The following HTN3 variants were observed in gnomAD, a reference collection of about 807,000 sequenced individuals.
HTN3 encodes the protein histatin 3.
HTN3 carries 15 observed loss-of-function variants against 10.6 expected under a neutral mutation model. The observed-to-expected ratio is 1.42, with a 90% CI of 0.95 to 2.18. HTN3 has a LOEUF of 2.18. Ranked by LOEUF, HTN3 falls within the 30% of genes most tolerant of loss-of-function variation. HTN3 has a pLI of 0.00. For missense variants in HTN3, 68 were observed against 58.0 expected, an observed-to-expected ratio of 1.17 and a Z score of -0.56; for synonymous variants, 15 against 16.9, an observed-to-expected ratio of 0.89 and a Z score of 0.27.
chr4:70,033,099 T>A, intron 4 of HTN3, 68 bp from the exon 5 acceptor site: 1 of 1,109,592 alleles, frequency 9.0e-7, no homozygotes, highest in Non-Finnish European at 1.3e-6. Context: ...TGACAGTTTT[T>A]GTGAAGCATT....
At chr4:70,032,226 A>G in intron 4 of HTN3, 119 bp downstream of exon 4, 1 of 739,042 alleles carries the variant, frequency 1.4e-6, no homozygotes, top group Non-Finnish European at 2.2e-6. Flanking sequence ...GCTAAAGTGT[A>G]CATTGATTTC....
rs994869462 is a variant in HTN3, at chr4:70,028,830, A to C, written c.-14+314A>C. On this transcript the variant is annotated intron_variant, in intron 1 of 5. Transcript: ENST00000673563. ...TCTACTTTCTTATTACTTTTATATT[A>C]AACTTAATGTAGAAGTTCACATTTT... 8.5e-5 allele frequency among the ~76,000 whole-genome samples: 13 copies of C among 152,164 alleles called. No individual in the cohort carries two copies. The South Asian group carries it at 2.1e-3, about 24-fold the overall frequency.
intron 5 of HTN3, chr4:70,034,022 G>A (rs1049221858): frequency 6.6e-6 from 1 of 151,848 alleles, no homozygotes; most frequent in African/African-American, 2.4e-5. Context: ...ACTGAAACTG[G>A]ACCCCTTCCT....
chr4:70,030,930 T>A, intron 2 of HTN3, 139 bp downstream of exon 2: 1 of 674,994 alleles, frequency 1.5e-6, no homozygotes. Context: ...TTCCTTGAAT[T>A]AACCTATATA....
Position 70,033,265 on chromosome 4 carries a change from C to G in HTN3, c.*33+12C>G. 3.3e-6 allele frequency: 4 copies of G among 1,225,258 alleles called. No homozygotes were observed. Among genetic ancestry groups the G allele is most frequent in the Non-Finnish European group, 2.3e-6 (2 of 855,080 alleles). The allele number at this position is 1,225,258 out of a possible 1,614,324, so 75.9% of individuals were successfully genotyped here. A position where few individuals can be genotyped will look rare whatever the true frequency, so the allele number is the denominator to read the frequency against. ...GCATGATTATGGAGGTAAGCTGACT[C>G]TAGTTACTTTTCTTTCTAGAAGTAT... On this transcript the variant is annotated intron_variant, in intron 5 of 5. Transcript: ENST00000673563.
chr4:70,030,870 A>G, intron 2 of HTN3, 79 bp downstream of exon 2: 2 of 1,108,420 alleles, frequency 1.8e-6, no homozygotes, highest in Non-Finnish European at 2.7e-6. Flanking sequence ...ACGTTCTGCC[A>G]TATATTCATG....
chr4:70,031,896 A>G, intron 2 of HTN3, 83 bp from the exon 3 acceptor site: 1 of 955,622 alleles, frequency 1.0e-6, no homozygotes, highest in Non-Finnish European at 1.6e-6. Context: ...TTAATCATAA[A>G]TGTGGCTAAG....
At chr4:70,032,399 C>T (rs1418699973) in intron 4 of HTN3, among the ~76,000 whole-genome samples, 2 of 151,896 alleles carry the variant, frequency 1.3e-5, no homozygotes, top group Non-Finnish European at 2.9e-5. Flanking sequence ...AGAATAGTTC[C>T]TAATTCTATG....
chr4:70,033,116 G>A (rs763906021), intron 4 of HTN3, 51 bp from the exon 5 acceptor site: 3 of 1,360,614 alleles, frequency 2.2e-6, no homozygotes, highest in Non-Finnish European at 3.1e-6. Context: ...CATTTTTACT[G>A]TCATTGCCTC....
intron 1 of HTN3, among the ~76,000 whole-genome samples, chr4:70,029,622 T>G (rs1725324900): frequency 6.6e-6 from 1 of 152,118 alleles, no homozygotes; most frequent in Non-Finnish European, 1.5e-5. Flanking sequence ...TAATTCTAAG[T>G]TTTGTGGTAA....
At chr4:70,029,890 C>T (rs1041722820) in intron 1 of HTN3, among the ~76,000 whole-genome samples, 2 of 152,074 alleles carry the variant, frequency 1.3e-5, no homozygotes, top group African/African-American at 4.8e-5. Context: ...TAACCAATAC[C>T]ATTAATGTTC....
chr4:70,032,196 A>T, intron 4 of HTN3, 89 bp downstream of exon 4: 3 of 849,826 alleles, frequency 3.5e-6, no homozygotes, highest in South Asian at 3.2e-5. Context: ...TATCTCTCAA[A>T]TATATTTATA....
intron 2 of HTN3, 77 bp from the exon 3 acceptor site, chr4:70,031,902 C>G: frequency 5.9e-6 from 6 of 1,017,092 alleles, no homozygotes; most frequent in African/African-American, 1.6e-5. Context: ...ATAAATGTGG[C>G]TAAGTCAATT....
In HTN3 at chr4:70,033,176, C is replaced by G. The variant is rs1725427975; in HGVS notation, c.112C>G (p.His38Asp). 4 of 1,606,034 alleles carry G rather than the reference C, an allele frequency of 2.5e-6. No individual in the cohort carries two copies. Among genetic ancestry groups the G allele is most frequent in the African/African-American group, 2.7e-5 (2 of 74,594 alleles). ...TTTTGTGTGTATGCAGGAAAAGCAT[C>G]ATTCACATCGAGGCTATAGATCAAA... ...GYKRKFHEKHHSHRGYRSNYL... is the reference protein window; with the variant it reads ...GYKRKFHEKHDSHRGYRSNYL... The change falls in exon 5 of 6, where the codon CAT becomes GAT. Residue 38 changes from histidine (H) to aspartate (D), a missense_variant. Coordinates refer to ENST00000673563, the MANE Select transcript of HTN3 (RefSeq NM_000200.3).
rs759211037 is a variant in HTN3 at position 70,032,042 on chromosome 4, A to G, written c.73-36A>G. On this transcript the variant is annotated intron_variant, in intron 3 of 5. Coordinates refer to ENST00000673563, the MANE Select transcript of HTN3 (RefSeq NM_000200.3). The stretch of plus-strand genomic sequence containing the variant: ...ACTGGAAAACTTGATAATTAATCAT[A>G]TATTGAATTTTTAATCTTTTCTTTT... The G allele has an allele frequency of 3.9e-6, 6 of 1,541,194 alleles. No individual in the cohort carries two copies. In the Middle Eastern group the frequency reaches 5.6e-4, roughly 143 times the overall value.
intron 5 of HTN3, among the ~76,000 whole-genome samples, chr4:70,035,921 G>A (rs1328998543): frequency 6.6e-6 from 1 of 152,116 alleles, no homozygotes; most frequent in Non-Finnish European, 1.5e-5. Context: ...AATTGCTGAT[G>A]ACATTTAATC....
chr4:70,030,776 C>G lies in HTN3; in HGVS notation c.36C>G (p.Leu12=). 2 of 1,612,030 alleles carry G rather than the reference C, an allele frequency of 1.2e-6. No homozygotes were observed. The highest frequency in any genetic ancestry group is 1.7e-6 in the Non-Finnish European group (2 of 1,178,316). ...KFFVFALILA[L]MLSMTGADSH... ...TTGTTTTTGCTTTAATCTTGGCTCT[C>G]ATGCTTTCCATGACTGTAAGTATAT... The change falls in exon 2 of 6, where the codon CTC becomes CTG. Residue 12 remains leucine (L), a synonymous_variant. Coordinates refer to ENST00000673563, the MANE Select transcript of HTN3 (RefSeq NM_000200.3).
In HTN3 at chr4:70,035,298, A is replaced by G. The variant is rs1445968278; in HGVS notation, c.*34-969A>G. ...ACAACTAGTTTCATGACCTTAAAGT[A>G]TTCCTAATCTTCTCTTAACCTTAAT... is the stretch of plus-strand genomic sequence containing the variant. On this transcript the variant is annotated intron_variant, in intron 5 of 5. Coordinates refer to ENST00000673563, the MANE Select transcript of HTN3 (RefSeq NM_000200.3). Among the ~76,000 whole-genome samples the G allele has an allele frequency of 3.3e-5, 5 of 152,342 alleles. No homozygotes were observed. The South Asian group carries it at 8.3e-4, about 25-fold the overall frequency.
chr4:70,035,737 C>G, intron 5 of HTN3, among the ~76,000 whole-genome samples: 1 of 152,166 alleles, frequency 6.6e-6, no homozygotes, highest in East Asian at 1.9e-4. Flanking sequence ...AAATATTATA[C>G]TTCAAAATAA....
Sources: gnomAD v4.1 joint callset for allele counts (sites outside exome capture counted in the v4.1 genomes callset) on GRCh38, gnomAD v4.1.1 for gene constraint, MANE v1.5 for transcripts, NCBI Gene and HGNC (gene_info 2026-07-23, HGNC 2026-07-21) for gene names.